ENOX1: variants seen among roughly 807,000 people sequenced by gnomAD.
The protein encoded by ENOX1 is ecto-NOX disulfide-thiol exchanger 1, also known as candidate growth-related and time keeping constitutive hydroquinone (NADH) oxidase.
In ENOX1, 42 loss-of-function variants were observed where a neutral mutation model predicts 82.5. The ratio of observed to expected loss-of-function variants is 0.51; its 90% confidence interval spans 0.40 to 0.66. The LOEUF is 0.66. ENOX1 is among the 30% of genes least tolerant of loss of function. The pLI, the probability that ENOX1 is intolerant of heterozygous loss-of-function variation, is 0.00. For synonymous variants in ENOX1, 271 were observed against 282.2 expected, an observed-to-expected ratio of 0.96 and a Z score of 0.40; for missense variants, 608 against 811.6, an observed-to-expected ratio of 0.75 and a Z score of 3.05.
chr13:43,480,185 C>T (rs1315242588), intron 3 of ENOX1, among the ~76,000 whole-genome samples: 14 of 152,058 alleles, frequency 9.2e-5, no homozygotes, highest in Non-Finnish European at 2.1e-4. Flanking sequence ...GTGATCCACC[C>T]GCCTCGGCCT....
intron 11 of ENOX1, among the ~76,000 whole-genome samples, chr13:43,314,847 T>C (rs956038077): frequency 6.6e-6 from 1 of 152,248 alleles, no homozygotes; most frequent in Admixed American, 6.5e-5. Flanking sequence ...CCAGTTACCA[T>C]GCTTTTAATA....
chr13:43,695,738 G>A (rs996358158), intron 1 of ENOX1, among the ~76,000 whole-genome samples: 6 of 152,040 alleles, frequency 3.9e-5, no homozygotes, highest in African/African-American at 7.2e-5. Flanking sequence ...GTGAGCCACC[G>A]CACCCGGCCT....
intron 2 of ENOX1, among the ~76,000 whole-genome samples, chr13:43,510,626 A>C (rs1593557180): frequency 6.6e-6 from 1 of 152,196 alleles, no homozygotes; most frequent in East Asian, 1.9e-4. Flanking sequence ...CTGGGCCATA[A>C]TTAGACTCAT....
intron 1 of ENOX1, among the ~76,000 whole-genome samples, chr13:43,687,926 A>G (rs2086160152): frequency 6.6e-6 from 1 of 152,156 alleles, no homozygotes; most frequent in African/African-American, 2.4e-5. Flanking sequence ...AGACTTATCC[A>G]GGTGAAAGGA....
intron 5 of ENOX1, among the ~76,000 whole-genome samples, chr13:43,403,653 C>T (rs1356633293): frequency 6.6e-6 from 1 of 151,986 alleles, no homozygotes. Context: ...TAGAGCCCAG[C>T]CTGGGCAACA....
At chr13:43,769,088 A>G (rs938721698) in intron 1 of ENOX1, among the ~76,000 whole-genome samples, 1 of 152,210 alleles carries the variant, frequency 6.6e-6, no homozygotes, top group African/African-American at 2.4e-5. Flanking sequence ...TGCTGCTTCT[A>G]TTTACCAGCT....
chr13:43,325,294 G>A (rs2048047004), intron 10 of ENOX1, among the ~76,000 whole-genome samples: 1 of 152,134 alleles, frequency 6.6e-6, no homozygotes. Context: ...AGGCATTAGT[G>A]AACAAACTAA....
Position 43,332,362 on chromosome 13 carries a change from G to A in ENOX1, c.1037-5837C>T, listed in dbSNP as rs115038378. On this transcript the variant is annotated intron_variant, in intron 9 of 16. Transcript: ENST00000690772. Reference sequence around the variant, plus strand: ...GTTCACGCTCCTGTAAGAATCTAATGCCGCTGCTGATCTAACAGGAGGCAG... The same window carrying A: ...GTTCACGCTCCTGTAAGAATCTAATACCGCTGCTGATCTAACAGGAGGCAG... Among the ~76,000 whole-genome samples, 875 of 152,260 alleles carry A rather than the reference G, an allele frequency of 5.7e-3. 9 individuals are homozygous for A. Among genetic ancestry groups the A allele is most frequent in the African/African-American group, 0.02 (840 of 41,534 alleles).
At chr13:43,371,402 C>T (rs1042100080) in intron 5 of ENOX1, among the ~76,000 whole-genome samples, 6 of 152,188 alleles carry the variant, frequency 3.9e-5, no homozygotes, top group African/African-American at 1.4e-4. Flanking sequence ...CCTCCTTGCT[C>T]TATAGAACTT....
chr13:43,526,716 T>C (rs1238730291), intron 2 of ENOX1, among the ~76,000 whole-genome samples: 1 of 152,138 alleles, frequency 6.6e-6, no homozygotes, highest in African/African-American at 2.4e-5. Context: ...TGTTATACTC[T>C]AGCCTACTTT....
At chr13:43,460,010 C>T (rs998446711) in intron 3 of ENOX1, among the ~76,000 whole-genome samples, 2 of 151,982 alleles carry the variant, frequency 1.3e-5, no homozygotes, top group African/African-American at 4.8e-5. Context: ...CAAACAACGA[C>T]AACAACAACA....
intron 12 of ENOX1, among the ~76,000 whole-genome samples, chr13:43,293,630 T>TTTTCTC (rs2046132062): frequency 6.6e-6 from 1 of 152,208 alleles, no homozygotes; most frequent in Non-Finnish European, 1.5e-5. Flanking sequence ...GAGTGCAAGC[T>TTTTCTC]TTTCTCTTTC....
chr13:43,643,796 T>C (rs768104345), intron 2 of ENOX1, among the ~76,000 whole-genome samples: 12 of 152,132 alleles, frequency 7.9e-5, no homozygotes, highest in Non-Finnish European at 1.3e-4. Context: ...GGCATTTATC[T>C]TCCATCATGT....
At chr13:43,445,202 C>T (rs112211812) in intron 3 of ENOX1, among the ~76,000 whole-genome samples, 2,223 of 150,416 alleles carry the variant, frequency 0.015, 62 homozygotes, top group African/African-American at 0.051. Flanking sequence ...CGGCTCACTG[C>T]AAGCTCCACC....
chr13:43,631,102 A>C (rs1406291614), intron 2 of ENOX1, among the ~76,000 whole-genome samples: 1 of 152,208 alleles, frequency 6.6e-6, no homozygotes, highest in African/African-American at 2.4e-5. Flanking sequence ...TGCCTTCTGA[A>C]GGTGCCATAA....
chr13:43,260,313 G>C (rs1306807801), intron 14 of ENOX1, among the ~76,000 whole-genome samples: 1 of 152,194 alleles, frequency 6.6e-6, no homozygotes. Context: ...TGAATGGGAA[G>C]GTGTTCTGTT....
intron 5 of ENOX1, among the ~76,000 whole-genome samples, chr13:43,410,312 G>A (rs972755909): frequency 2.0e-5 from 3 of 152,088 alleles, no homozygotes; most frequent in Non-Finnish European, 2.9e-5. Context: ...CAAGTTATTA[G>A]AAGAAAGTAT....
chr13:43,704,168 AG>A (rs2153810047), intron 1 of ENOX1, among the ~76,000 whole-genome samples: 1 of 152,268 alleles, frequency 6.6e-6, no homozygotes, highest in South Asian at 2.1e-4. Flanking sequence ...ATGTGTACAA[AG>A]GAAATCAGAA....
intron 2 of ENOX1, chr13:43,609,880 T>TA: frequency 6.2e-6 from 6 of 974,326 alleles, no homozygotes; most frequent in Non-Finnish European, 7.3e-6. Flanking sequence ...ACTAGGGACT[T>TA]ACTTCATTCA....
Sources: gnomAD v4.1 joint callset for allele counts (sites outside exome capture counted in the v4.1 genomes callset) on GRCh38, gnomAD v4.1.1 for gene constraint, MANE v1.5 for transcripts, NCBI Gene and HGNC (gene_info 2026-07-23, HGNC 2026-07-21) for gene names.